The following CARMIL1 variants were observed in gnomAD, a reference collection of about 807,000 sequenced individuals.
CARMIL1 encodes F-actin-uncapping protein LRRC16A.
CARMIL1 carries 90 observed loss-of-function variants against 177.1 expected under a neutral mutation model. The ratio of observed to expected loss-of-function variants is 0.51; its 90% confidence interval spans 0.43 to 0.61. The LOEUF (loss-of-function observed/expected upper bound fraction) is 0.61. Among genes scored for constraint, CARMIL1 ranks in the 20% least tolerant of loss-of-function variants. The pLI, the probability that CARMIL1 is intolerant of heterozygous loss-of-function variation, is 0.00. For synonymous variants in CARMIL1, 577 were observed against 606.2 expected (o/e 0.95, Z 0.71); for missense variants, 1,380 against 1,667.0 (o/e 0.83, Z 3.00).
intron 2 of CARMIL1, among the ~76,000 whole-genome samples, chr6:25,367,841 T>A (rs1227868340): frequency 6.6e-6 from 1 of 152,126 alleles, no homozygotes; most frequent in Non-Finnish European, 1.5e-5. Context: ...TCACTGCAGC[T>A]TCTGCCTCCC....
At chr6:25,502,561 A>AC (rs1311959028) in intron 17 of CARMIL1, among the ~76,000 whole-genome samples, 1 of 151,780 alleles carries the variant, frequency 6.6e-6, no homozygotes, top group African/African-American at 2.4e-5. Flanking sequence ...CAAAAAAAAA[A>AC]AAAAAGTAAG....
intron 35 of CARMIL1, among the ~76,000 whole-genome samples, chr6:25,608,549 A>G (rs1215981327): frequency 6.6e-6 from 1 of 152,204 alleles, no homozygotes; most frequent in Admixed American, 6.5e-5. Flanking sequence ...TGTTGCAAGA[A>G]GTTTTATTTT....
At chr6:25,280,208 GC>G (rs1211286814) in intron 1 of CARMIL1, among the ~76,000 whole-genome samples, 2 of 151,700 alleles carry the variant, frequency 1.3e-5, no homozygotes, top group Non-Finnish European at 2.9e-5. Flanking sequence ...ACAGCTCCCA[GC>G]CCACTGCCCC....
At chr6:25,611,184 A>G (rs960869855) in intron 36 of CARMIL1, among the ~76,000 whole-genome samples, 1 of 152,132 alleles carries the variant, frequency 6.6e-6, no homozygotes, top group Non-Finnish European at 1.5e-5. Context: ...CTGCTTTCTT[A>G]TCTCCATCCT....
intron 2 of CARMIL1, among the ~76,000 whole-genome samples, chr6:25,397,598 G>A (rs1030426602): frequency 1.3e-5 from 2 of 152,204 alleles, no homozygotes; most frequent in Non-Finnish European, 2.9e-5. Flanking sequence ...TGCTATCACA[G>A]TGCCTGTGAA....
chr6:25,593,182 T>C (rs1814485762), intron 31 of CARMIL1, among the ~76,000 whole-genome samples: 2 of 152,196 alleles, frequency 1.3e-5, no homozygotes. Flanking sequence ...ACTTTGACCA[T>C]ATCTTGGGCA....
intron 2 of CARMIL1, among the ~76,000 whole-genome samples, chr6:25,410,345 A>C (rs1794799036): frequency 1.3e-5 from 2 of 152,056 alleles, no homozygotes; most frequent in African/African-American, 4.8e-5. Context: ...GAAAAGTGAA[A>C]CTGATTTCTT....
chr6:25,281,275 A>G (rs1282195634), intron 1 of CARMIL1, among the ~76,000 whole-genome samples: 6 of 151,802 alleles, frequency 4.0e-5, no homozygotes, highest in Admixed American at 2.0e-4. Context: ...GGAGGCTGCG[A>G]CCTTTCCAAC....
intron 32 of CARMIL1, 126 bp from the exon 33 acceptor site, chr6:25,600,188 G>A (rs1318212193): frequency 4.7e-6 from 4 of 855,426 alleles, no homozygotes; most frequent in Non-Finnish European, 7.2e-6. Flanking sequence ...ACTCAAATCT[G>A]CTTTTAAAAA....
intron 23 of CARMIL1, among the ~76,000 whole-genome samples, chr6:25,525,037 AAG>A (rs1404636317): frequency 6.6e-6 from 1 of 152,200 alleles, no homozygotes; most frequent in Non-Finnish European, 1.5e-5. Context: ...AAGGAAAGAA[AAG>A]AGAGAAAGGA....
chr6:25,479,144 C>G lies in CARMIL1; in HGVS notation c.875-3113C>G, dbSNP rs1035092084. On this transcript the variant is annotated intron_variant, in intron 11 of 36. Transcript: ENST00000329474. Reference sequence around the variant, plus strand: ...AAGATCAAGAGACAGAATGTTCCCACCGTTCTCCAGACTTACCTTGTGGTT... The same window carrying G: ...AAGATCAAGAGACAGAATGTTCCCAGCGTTCTCCAGACTTACCTTGTGGTT... The G allele has an allele frequency of 7.7e-6, 4 of 519,014 alleles. 1 individual carries two copies. The highest frequency in any genetic ancestry group is 1.9e-5 in the Admixed American group (1 of 51,606). The allele number at this position is 519,014 out of a possible 1,614,324, so 32.2% of individuals were successfully genotyped here.
chr6:25,365,030 G>T (rs528021654), intron 2 of CARMIL1, among the ~76,000 whole-genome samples: 5 of 152,250 alleles, frequency 3.3e-5, no homozygotes, highest in South Asian at 2.1e-4. Flanking sequence ...TACCAACACA[G>T]TTCTCCTTTT....
At chr6:25,295,784 T>A (rs900609883) in intron 2 of CARMIL1, among the ~76,000 whole-genome samples, 5 of 152,234 alleles carry the variant, frequency 3.3e-5, no homozygotes, top group Non-Finnish European at 7.3e-5. Context: ...GTGACTTCAC[T>A]TGTGGTTTCA....
intron 2 of CARMIL1, among the ~76,000 whole-genome samples, chr6:25,308,467 T>G (rs1436102677): frequency 6.7e-6 from 1 of 150,264 alleles, no homozygotes; most frequent in Non-Finnish European, 1.5e-5. Context: ...CTGCAACCTC[T>G]GACTCCCAGA....
At chr6:25,612,729 T>A (rs1816600876) in intron 36 of CARMIL1, 7 of 983,328 alleles carry the variant, frequency 7.1e-6, no homozygotes, top group Non-Finnish European at 8.5e-6. Context: ...TAAATCCCTT[T>A]TCCTCAGTAG....
At chr6:25,538,706 C>G (rs752366318) in intron 25 of CARMIL1, among the ~76,000 whole-genome samples, 13 of 152,124 alleles carry the variant, frequency 8.5e-5, no homozygotes, top group Non-Finnish European at 1.9e-4. Flanking sequence ...TAATAAAAAG[C>G]CCCTCTCATC....
intron 2 of CARMIL1, among the ~76,000 whole-genome samples, chr6:25,359,663 T>C (rs1475627645): frequency 1.3e-5 from 2 of 152,236 alleles, no homozygotes; most frequent in Non-Finnish European, 2.9e-5. Flanking sequence ...TTGCGTTCCC[T>C]TGACTATTGC....
intron 26 of CARMIL1, among the ~76,000 whole-genome samples, chr6:25,542,505 T>C (rs984486006): frequency 6.6e-6 from 1 of 152,118 alleles, no homozygotes; most frequent in African/African-American, 2.4e-5. Flanking sequence ...CATGCTTTTC[T>C]CTCATTCTCA....
intron 2 of CARMIL1, among the ~76,000 whole-genome samples, chr6:25,314,535 C>T (rs28416987): frequency 2.7e-3 from 289 of 105,962 alleles, no homozygotes; most frequent in Admixed American, 3.9e-3. Flanking sequence ...CACATATATA[C>T]GTATACATAC....
Sources: allele counts gnomAD v4.1 joint callset (sites outside exome capture counted in the v4.1 genomes callset), GRCh38; gene constraint gnomAD v4.1.1; transcripts MANE v1.5; gene names NCBI Gene and HGNC (gene_info 2026-07-23, HGNC 2026-07-21).